Variants in BLTP1 observed in about 807,000 individuals in gnomAD.
The protein encoded by BLTP1 is fragile site-associated protein.
chr4:122,203,171 T>C, the BLTP1 span, among the ~76,000 whole-genome samples: 1 of 151,940 alleles, frequency 6.6e-6, no homozygotes, highest in African/African-American at 2.4e-5. Flanking sequence ...AAAGAAATTA[T>C]CTCTCTGATG....
At chr4:122,260,129 A>G in the BLTP1 span, 5 of 160,784 alleles carry the variant, frequency 3.1e-5, no homozygotes, top group Non-Finnish European at 6.6e-5. Context: ...TATGGGATAG[A>G]TAGCCTGTTG....
chr4:122,165,470 CATT>C, the BLTP1 span, among the ~76,000 whole-genome samples: 2 of 144,816 alleles, frequency 1.4e-5, no homozygotes, highest in East Asian at 4.3e-4. Flanking sequence ...TCCAGTCTAA[CATT>C]GTTGGACATT....
the BLTP1 span, chr4:122,152,924 C>A: frequency 1.1e-6 from 1 of 884,498 alleles, no homozygotes; most frequent in Non-Finnish European, 1.4e-6. Flanking sequence ...TGCAGCCTTG[C>A]CAGCTGCACT....
At chr4:122,224,842 CAG>C in the BLTP1 span, 4 of 1,526,416 alleles carry the variant, frequency 2.6e-6, no homozygotes, top group Non-Finnish European at 3.5e-6. Flanking sequence ...ATAGGTGAAT[CAG>C]AGACAAGTTT....
At chr4:122,307,656 T>C in the BLTP1 span, 7 of 985,008 alleles carry the variant, frequency 7.1e-6, no homozygotes, top group African/African-American at 1.7e-5. Flanking sequence ...TCCATCCCAG[T>C]ATCTAACATA....
At chr4:122,247,378 T>C in the BLTP1 span, 4 of 1,611,148 alleles carry the variant, frequency 2.5e-6, no homozygotes, top group African/African-American at 1.3e-5. Flanking sequence ...ACAACAAATA[T>C]GTTTTTTCTT....
At chr4:122,225,023 CTTAT>C in the BLTP1 span, 1 of 991,248 alleles carries the variant, frequency 1.0e-6, no homozygotes, top group Non-Finnish European at 1.2e-6. Flanking sequence ...TTGGAAAAAT[CTTAT>C]TTTTCTACTA....
At chr4:122,264,179 C>T in the BLTP1 span, 1 of 1,428,368 alleles carries the variant, frequency 7.0e-7, no homozygotes, top group Non-Finnish European at 9.2e-7. Context: ...CAAAAGTTTA[C>T]CCTGCTGTAC....
the BLTP1 span, chr4:122,242,943 T>C: frequency 2.9e-6 from 3 of 1,047,660 alleles, no homozygotes; most frequent in Admixed American, 1.8e-5. Flanking sequence ...TCAGTTGATA[T>C]CATAAAATTA....
At chr4:122,207,219 T>C in the BLTP1 span, 2 of 1,612,228 alleles carry the variant, frequency 1.2e-6, no homozygotes, top group Non-Finnish European at 8.5e-7. Flanking sequence ...TTTGGGCTGC[T>C]AATCAACACA....
the BLTP1 span, chr4:122,215,613 A>T: frequency 1.0e-6 from 1 of 968,094 alleles, no homozygotes; most frequent in Non-Finnish European, 1.2e-6. Flanking sequence ...AGTCATCAGG[A>T]CTGGGGTGGA....
At chr4:122,241,869 G>A in the BLTP1 span, among the ~76,000 whole-genome samples, 1 of 152,082 alleles carries the variant, frequency 6.6e-6, no homozygotes, top group Non-Finnish European at 1.5e-5. Flanking sequence ...AATCTTTCTA[G>A]TTTGATTAGG....
At chr4:122,276,979 A>AC in the BLTP1 span, 1 of 975,522 alleles carries the variant, frequency 1.0e-6, no homozygotes, top group Non-Finnish European at 1.2e-6. Context: ...CCCAGCAGAG[A>AC]TTATGTAAAC....
the BLTP1 span, among the ~76,000 whole-genome samples, chr4:122,164,060 G>A: frequency 6.6e-6 from 1 of 152,138 alleles, no homozygotes; most frequent in Non-Finnish European, 1.5e-5. Flanking sequence ...GGTATTAACT[G>A]ATATTTCTGA....
At chr4:122,176,630 T>A in the BLTP1 span, among the ~76,000 whole-genome samples, 1 of 152,196 alleles carries the variant, frequency 6.6e-6, no homozygotes, top group African/African-American at 2.4e-5. Flanking sequence ...ATTTACTTGT[T>A]AAACAATTTT....
the BLTP1 span, chr4:122,324,408 T>A: frequency 1.2e-6 from 2 of 1,605,798 alleles, no homozygotes; most frequent in Non-Finnish European, 1.7e-6. Context: ...TCACCCTTTT[T>A]TCTCTCCCAT....
chr4:122,280,603 C>T, the BLTP1 span, among the ~76,000 whole-genome samples: 1 of 147,130 alleles, frequency 6.8e-6, no homozygotes, highest in Non-Finnish European at 1.5e-5. Context: ...GCAGAGGTTG[C>T]AGTGAGCCAA....
chr4:122,192,119 A>T, the BLTP1 span: 1 of 1,070,318 alleles, frequency 9.3e-7, no homozygotes, highest in Non-Finnish European at 1.3e-6. Context: ...ATAATTTTTA[A>T]GAGTGTAAAG....
chr4:122,316,074 T>C, the BLTP1 span, among the ~76,000 whole-genome samples: 1 of 152,158 alleles, frequency 6.6e-6, no homozygotes, highest in African/African-American at 2.4e-5. Flanking sequence ...TTATGGTACG[T>C]GAGTTATATC....
Sources: gnomAD v4.1 joint callset for allele counts (sites outside exome capture counted in the v4.1 genomes callset) on GRCh38, gnomAD v4.1.1 for gene constraint, MANE v1.5 for transcripts, NCBI Gene and HGNC (gene_info 2026-07-23, HGNC 2026-07-21) for gene names.